The following KRT6C variants were observed in gnomAD, a reference collection of about 807,000 sequenced individuals.
KRT6C encodes the protein keratin, type II cytoskeletal 6C.
A neutral mutation model predicts 49.4 loss-of-function variants in KRT6C; 46 were observed. The observed-to-expected ratio is 0.93, with a 90% CI of 0.74 to 1.19. The LOEUF is 1.19. Ranked by LOEUF, KRT6C falls within the 50% of genes most tolerant of loss-of-function variation. The probability of loss-of-function intolerance (pLI) is 0.00; values close to 1 mark genes in which losing one functional copy is unlikely to be tolerated. For synonymous variants in KRT6C, 236 were observed against 297.1 expected (o/e 0.79, Z 2.12); for missense variants, 552 against 737.5 (o/e 0.75, Z 2.91).
Position 52,471,695 on chromosome 12 carries a change from T to C in KRT6C, c.793A>G (p.Asn265Asp). 6.2e-7 allele frequency: 1 copy of C among 1,613,288 alleles called. No homozygotes were observed. Among genetic ancestry groups the C allele is most frequent in the Non-Finnish European group, 8.5e-7 (1 of 1,179,708 alleles). Reference sequence around the variant, plus strand: ...ACCTTCTTCAGAGTCACAAATTCATTCTCTGCTGCTGTGCGCTTGTTGATT... The same window carrying C: ...ACCTTCTTCAGAGTCACAAATTCATCCTCTGCTGCTGTGCGCTTGTTGATT... ...DEINKRTAAE[N>D]EFVTLKKDVD... is the part of the protein sequence containing the mutation. The change falls in exon 3 of 9, where the codon AAT (asparagine) becomes GAT (aspartate). Residue 265 changes from asparagine to aspartate, a missense_variant. By Grantham distance (23) the Asn-to-Asp change is conservative (BLOSUM62 1). Around this residue, in one of 3 missense-constraint regions of KRT6C, gnomAD observed 425 missense variants for 439.4 expected, o/e 0.97. Coordinates refer to ENST00000252250, the MANE Select transcript of KRT6C (RefSeq NM_173086.5).
chr12:52,469,596 C>A (rs986963908), intron 7 of KRT6C, 74 bp downstream of exon 7: 2 of 1,613,282 alleles, frequency 1.2e-6, no homozygotes, highest in African/African-American at 2.7e-5. Flanking sequence ...AGCAGTGCAC[C>A]CTAGAATTGT....
At chr12:52,471,343 A>G (rs1937877855) in intron 4 of KRT6C, 47 bp from the exon 5 acceptor site, 3 of 1,614,114 alleles carry the variant, frequency 1.9e-6, no homozygotes, top group African/African-American at 2.7e-5. Context: ...TGACATTTAC[A>G]GAGATACCCA....
chr12:52,471,774 A>T, intron 2 of KRT6C, 42 bp from the exon 3 acceptor site: 1 of 1,613,288 alleles, frequency 6.2e-7, no homozygotes, highest in Non-Finnish European at 8.5e-7. Flanking sequence ...GCCAGTGGGT[A>T]GGATGAAACA....
rs763537839 is a variant in KRT6C, at chr12:52,468,620, C to G, written c.*442G>C. The G allele has an allele frequency of 8.6e-6, 2 of 232,628 alleles. No individual in the cohort carries two copies. Among genetic ancestry groups the G allele is most frequent in the Non-Finnish European group, 1.7e-5 (2 of 118,016 alleles). 14.4% of individuals were successfully genotyped at this position (232,628 alleles called of 1,614,324 possible). A position where few individuals can be genotyped will look rare whatever the true frequency, so the allele number is the denominator to read the frequency against. On this transcript the variant is annotated 3_prime_UTR_variant, in exon 9 of 9. Transcript: ENST00000252250. ...ATCATACGACTAGTCACTTGTGCTTCCATGCATACTGCGGGGCGGGGGTTC... is the reference window on the plus strand; with the variant it reads ...ATCATACGACTAGTCACTTGTGCTTGCATGCATACTGCGGGGCGGGGGTTC...
At chr12:52,471,323 A>G (rs1937877323) in intron 4 of KRT6C, 27 bp from the exon 5 acceptor site, 1 of 1,614,214 alleles carries the variant, frequency 6.2e-7, no homozygotes, top group Non-Finnish European at 8.5e-7. Flanking sequence ...CATAAGATCA[A>G]CTTCACATCT....
At chr12:52,471,040 C>T (rs1937869255) in intron 5 of KRT6C, 92 bp downstream of exon 5, 1 of 1,602,182 alleles carries the variant, frequency 6.2e-7, no homozygotes, top group African/African-American at 1.3e-5. Flanking sequence ...CCCCAGCTTC[C>T]TGTCAGGGGA....
In KRT6C at chr12:52,469,190, T is replaced by G. The variant is rs112885852; in HGVS notation, c.1567A>C (p.Ile523Leu). The G allele has an allele frequency of 6.2e-7, 1 of 1,613,804 alleles. No individual in the cohort carries two copies. Among genetic ancestry groups the G allele is most frequent in the Non-Finnish European group, 8.5e-7 (1 of 1,179,828 alleles). Residue 523 changes from isoleucine to leucine, a missense_variant, in exon 9 of 9, where the codon ATT (isoleucine) becomes CTT (leucine). By Grantham distance (5) the Ile-to-Leu change is conservative. Around this residue, in one of 3 missense-constraint regions of KRT6C, gnomAD observed 425 missense variants for 439.4 expected, o/e 0.97. Coordinates refer to ENST00000252250, the MANE Select transcript of KRT6C (RefSeq NM_173086.5). ...SSYSYGSGLG[I>L]GGGFSSSSGR... ...CTGCTGGAACTGAAGCCACCTCCAA[T>G]GCCAAGACCACTGCCATAGGAGTAG... is the stretch of plus-strand genomic sequence containing the variant.
rs1369708022 is a variant in KRT6C, at chr12:52,473,744, A to T, written c.-7T>A. 4 of 1,614,070 alleles carry T rather than the reference A, an allele frequency of 2.5e-6. No homozygotes were observed. ...TGGTGGATGTGCTGGCCATGGTTCC[A>T]GGAGATGAGAGGGCTGTGGCGAGCG... On this transcript the variant is annotated 5_prime_UTR_variant, in exon 1 of 9. Coordinates refer to ENST00000252250, the MANE Select transcript of KRT6C (RefSeq NM_173086.5).
At chr12:52,473,096 A>G in intron 1 of KRT6C, 102 bp downstream of exon 1, 1 of 1,315,698 alleles carries the variant, frequency 7.6e-7, no homozygotes, top group Admixed American at 1.9e-5. Flanking sequence ...AGCTGGGCTG[A>G]ATCCCCTTCT....
intron 6 of KRT6C, 91 bp downstream of exon 6, chr12:52,470,414 G>A (rs911906861): frequency 3.0e-5 from 49 of 1,608,162 alleles, no homozygotes; most frequent in East Asian, 1.3e-4. Context: ...GTTGGTTTAC[G>A]TTTCAGGAAT....
chr12:52,472,916 G>C (rs1410286156), intron 1 of KRT6C, among the ~76,000 whole-genome samples: 2 of 147,596 alleles, frequency 1.4e-5, no homozygotes, highest in Admixed American at 6.8e-5. Context: ...ACACTTCAGA[G>C]GGGAGAATTA....
Position 52,469,125 on chromosome 12 carries a change from G to C in KRT6C, c.1632C>G (p.Gly544=). The change falls in exon 9 of 9, where the codon GGC becomes GGG. Residue 544 remains glycine (G), a synonymous_variant. Transcript: ENST00000252250. ...AIGGGLSSVG[G]GSSTIKYTTT... is the part of the protein sequence containing the mutation. Reference sequence around the variant, plus strand: ...TGGTGTACTTGATGGTGGAACTGCCGCCTCCAACAGAGCTGAGGCCACCCC... The same window carrying C: ...TGGTGTACTTGATGGTGGAACTGCCCCCTCCAACAGAGCTGAGGCCACCCC... The C allele has an allele frequency of 1.9e-6, 3 of 1,614,010 alleles. No homozygotes were observed. Among genetic ancestry groups the C allele is most frequent in the East Asian group, 4.5e-5 (2 of 44,878 alleles).
intron 1 of KRT6C, among the ~76,000 whole-genome samples, 168 bp from the exon 2 acceptor site, chr12:52,472,448 C>T (rs1937904892): frequency 7.4e-6 from 1 of 135,130 alleles, no homozygotes; most frequent in South Asian, 2.3e-4. Context: ...TCCTTTGCAC[C>T]CCACCAGTCT....
rs746379064 is a variant in KRT6C at position 52,472,169 on chromosome 12, T to C, written c.652A>G (p.Ile218Val). The change falls in exon 2 of 9, where the codon ATC becomes GTC. Residue 218 changes from isoleucine to valine, a missense_variant. Coordinates refer to ENST00000252250, the MANE Select transcript of KRT6C (RefSeq NM_173086.5). ...QNLEPLFEQY[I>V]NNLRRQLDSI... ...TCCAGCTGCCTCCTGAGGTTGTTGA[T>C]GTACTGCTCGAACAACGGCTCCAGG... 6.7e-7 allele frequency: 1 copy of C among 1,501,310 alleles called. No homozygotes were observed. The allele number at this position is 1,501,310 out of a possible 1,614,324, so 93.0% of individuals were successfully genotyped here.
intron 2 of KRT6C, 110 bp downstream of exon 2, chr12:52,471,956 A>T: frequency 8.5e-7 from 1 of 1,172,202 alleles, no homozygotes. Flanking sequence ...CCTAGGGACT[A>T]ATTTGTGCTT....
rs780538370 is a variant in KRT6C at position 52,469,242 on chromosome 12, A to G, written c.1515T>C (p.Ser505=). The G allele has an allele frequency of 5.0e-6, 8 of 1,613,822 alleles. No homozygotes were observed. The African/African-American group carries it at 8.0e-5, about 16-fold the overall frequency. Residue 505 remains serine, a synonymous_variant, in exon 9 of 9, where the codon AGT becomes AGC. Coordinates refer to ENST00000252250, the MANE Select transcript of KRT6C (RefSeq NM_173086.5). The part of the protein sequence containing the change: ...SGYGGASGVG[S]GLGLGGGSSY... ...TGCTTCCTCCACCCAGGCCTAAGCC[A>G]CTGCCGACACCGCTGGCACCGCCAT... is the stretch of plus-strand genomic sequence containing the variant.
In KRT6C at chr12:52,471,253, A is replaced by G; in HGVS notation, c.956T>C (p.Val319Ala). The G allele has an allele frequency of 6.2e-7, 1 of 1,614,220 alleles. No individual in the cohort carries two copies. Among genetic ancestry groups the G allele is most frequent in the Non-Finnish European group, 8.5e-7 (1 of 1,180,042 alleles). The change falls in exon 5 of 9, where the codon GTG becomes GCG. Residue 319 changes from valine (V) to alanine (A), a missense_variant. Physicochemically the swap from Val to Ala is moderately conservative, Grantham distance 64 (BLOSUM62 0). Around this residue, in one of 3 missense-constraint regions of KRT6C, gnomAD observed 425 missense variants for 439.4 expected, o/e 0.97. Transcript: ENST00000252250. Reference sequence around the variant, plus strand: ...GTTGCGGTTGTTGTCCATGGATAGCACCACGGATGTGTCTGAGATGTGGGT... The same window carrying G: ...GTTGCGGTTGTTGTCCATGGATAGCGCCACGGATGTGTCTGAGATGTGGGT... Reference protein sequence around the residue: ...MQTHISDTSVVLSMDNNRNLD... With the variant: ...MQTHISDTSVALSMDNNRNLD...
rs545763458 is a variant in KRT6C at position 52,468,630 on chromosome 12, T to G, written c.*432A>C. 1.2e-5 allele frequency: 3 copies of G among 244,428 alleles called. No homozygotes were observed. In the East Asian group the frequency reaches 3.0e-4, roughly 24 times the overall value. 15.1% of individuals were successfully genotyped at this position (244,428 alleles called of 1,614,324 possible). A position where few individuals can be genotyped will look rare whatever the true frequency, so the allele number is the denominator to read the frequency against. On this transcript the variant is annotated 3_prime_UTR_variant, in exon 9 of 9. Coordinates refer to ENST00000252250, the MANE Select transcript of KRT6C (RefSeq NM_173086.5). ...TAGTCACTTGTGCTTCCATGCATAC[T>G]GCGGGGCGGGGGTTCACAATACTTT...
chr12:52,470,012 G>T, intron 6 of KRT6C, 122 bp from the exon 7 acceptor site: 2 of 1,126,154 alleles, frequency 1.8e-6, no homozygotes, highest in Non-Finnish European at 2.6e-6. Flanking sequence ...GACTCTTCCT[G>T]TCCAGTATTT....
Sources: allele counts gnomAD v4.1 joint callset (sites outside exome capture counted in the v4.1 genomes callset), GRCh38; gene constraint gnomAD v4.1.1; regional missense constraint gnomAD v4.1.1; transcripts MANE v1.5; gene names NCBI Gene and HGNC (gene_info 2026-07-23, HGNC 2026-07-21).